FAM184B: variants seen among roughly 807,000 people sequenced by gnomAD.
The protein encoded by FAM184B is protein FAM184B.
FAM184B carries 111 observed loss-of-function variants against 135.9 expected under a neutral mutation model. That is an observed-to-expected ratio of 0.82 (90% CI 0.70 to 0.96). The LOEUF is 0.96. FAM184B is among the 40% of genes least tolerant of loss of function. The pLI is 0.00. For synonymous variants in FAM184B, 552 were observed against 524.8 expected (o/e 1.05, Z -0.71); for missense variants, 1,375 against 1,323.9 (o/e 1.04, Z -0.60).
intron 1 of FAM184B, among the ~76,000 whole-genome samples, chr4:17,739,555 G>GTTTTTTTTTGTTT (rs1553841417): frequency 1.6e-5 from 1 of 62,508 alleles, no homozygotes; most frequent in East Asian, 5.9e-4. Context: ...CATACCAACT[G>GTTTTTTTTTGTTT]TTTTTTTTTT....
chr4:17,685,884 G>T (rs1258562479), intron 7 of FAM184B, among the ~76,000 whole-genome samples: 5 of 152,102 alleles, frequency 3.3e-5, no homozygotes, highest in African/African-American at 9.7e-5. Flanking sequence ...TGGACATCGT[G>T]ACCATGACTG....
intron 1 of FAM184B, among the ~76,000 whole-genome samples, chr4:17,770,348 C>T (rs1047252447): frequency 7.9e-5 from 12 of 152,164 alleles, no homozygotes; most frequent in Non-Finnish European, 1.6e-4. Context: ...AAGGTGGCTC[C>T]GACTATGGTG....
intron 3 of FAM184B, among the ~76,000 whole-genome samples, chr4:17,706,792 A>AT (rs138248508): frequency 2.9e-4 from 43 of 150,192 alleles, no homozygotes; most frequent in Middle Eastern, 3.4e-3. Context: ...ATTTAATTTA[A>AT]TTTTTTTTTT....
At chr4:17,636,421 G>C in intron 15 of FAM184B, 107 bp downstream of exon 15, 1 of 856,814 alleles carries the variant, frequency 1.2e-6, no homozygotes, top group Non-Finnish European at 1.9e-6. Context: ...TTCTTTGTAA[G>C]ATATTAGGGC....
At chr4:17,744,454 C>CTG (rs1329028856) in intron 1 of FAM184B, among the ~76,000 whole-genome samples, 1 of 135,962 alleles carries the variant, frequency 7.4e-6, no homozygotes, top group East Asian at 2.6e-4. Context: ...CTCATTCTCT[C>CTG]TCTCTCTCAC....
At chr4:17,748,520 T>A (rs1718226273) in intron 1 of FAM184B, among the ~76,000 whole-genome samples, 1 of 147,104 alleles carries the variant, frequency 6.8e-6, no homozygotes, top group Non-Finnish European at 1.5e-5. Flanking sequence ...TTTTTTTTTT[T>A]TTTTTTTTTT....
At chr4:17,634,183 T>TG (rs1231831684) in intron 16 of FAM184B, 1 of 257,948 alleles carries the variant, frequency 3.9e-6, no homozygotes, top group African/African-American at 2.2e-5. Flanking sequence ...CAGCAGGGGA[T>TG]GGGCCCACCC....
intron 1 of FAM184B, among the ~76,000 whole-genome samples, chr4:17,715,255 G>T (rs1409138630): frequency 6.6e-6 from 1 of 152,022 alleles, no homozygotes; most frequent in Non-Finnish European, 1.5e-5. Context: ...TGGGCAGATT[G>T]TTTGAGGTCA....
chr4:17,634,685 T>TG (rs1336003468), intron 16 of FAM184B, among the ~76,000 whole-genome samples: 1 of 152,220 alleles, frequency 6.6e-6, no homozygotes, highest in Non-Finnish European at 1.5e-5. Flanking sequence ...AATGTGAATA[T>TG]GCTCATTGTG....
At chr4:17,682,143 G>C (rs1362054442) in intron 7 of FAM184B, among the ~76,000 whole-genome samples, 1 of 152,170 alleles carries the variant, frequency 6.6e-6, no homozygotes, top group Non-Finnish European at 1.5e-5. Flanking sequence ...TGGAGAGGGC[G>C]TGGGCAGGTG....
Position 17,664,582 on chromosome 4 carries a change from G to C in FAM184B, c.1674C>G (p.Thr558=), listed in dbSNP as rs184707240. 4 of 1,551,386 alleles carry C rather than the reference G, an allele frequency of 2.6e-6. No individual in the cohort carries two copies. The East Asian group carries it at 7.3e-5, about 28-fold the overall frequency. The change falls in exon 8 of 18, where the codon ACC becomes ACG. Residue 558 remains threonine (T), a synonymous_variant. Coordinates refer to ENST00000265018, the MANE Select transcript of FAM184B (RefSeq NM_015688.2). ...YQDKLAAEEG[T]SSDEEERTKV... ...TGTACCTTTCTTCTTCATCACTGCT[G>C]GTTCCTTCTTCAGCTGCTAACTTAT...
At chr4:17,664,960 G>A (rs1010024418) in intron 7 of FAM184B, among the ~76,000 whole-genome samples, 1 of 152,170 alleles carries the variant, frequency 6.6e-6, no homozygotes, top group Non-Finnish European at 1.5e-5. Context: ...ACCTGGCTAG[G>A]GTGCCACCAT....
chr4:17,765,531 C>CTTAG (rs111313348), intron 1 of FAM184B, among the ~76,000 whole-genome samples: 7,910 of 150,034 alleles, frequency 0.053, 646 homozygotes, highest in African/African-American at 0.19. Flanking sequence ...TTTCACAGTT[C>CTTAG]TTAGCAGCAT....
chr4:17,689,630 C>T (rs1395520270), intron 6 of FAM184B, among the ~76,000 whole-genome samples: 1 of 151,986 alleles, frequency 6.6e-6, no homozygotes, highest in Non-Finnish European at 1.5e-5. Context: ...GGAATCTAAG[C>T]CTTTTTTAAA....
At chr4:17,767,457 A>C (rs1328005617) in intron 1 of FAM184B, among the ~76,000 whole-genome samples, 1 of 152,268 alleles carries the variant, frequency 6.6e-6, no homozygotes, top group African/African-American at 2.4e-5. Context: ...CTAAAGGAAG[A>C]AAACCTGGTA....
intron 11 of FAM184B, among the ~76,000 whole-genome samples, chr4:17,650,732 A>G (rs1308833554): frequency 1.3e-5 from 2 of 152,126 alleles, no homozygotes; most frequent in Non-Finnish European, 2.9e-5. Flanking sequence ...GCTAACTGGG[A>G]AGTCTACGAA....
chr4:17,664,752 G>C, intron 7 of FAM184B, 93 bp from the exon 8 acceptor site: 3 of 1,062,962 alleles, frequency 2.8e-6, no homozygotes, highest in Non-Finnish European at 1.3e-6. Context: ...TCAAATCAGA[G>C]AGCAGAGAAG....
In FAM184B at chr4:17,633,708, C is replaced by T; in HGVS notation, c.3070G>A (p.Asp1024Asn). The T allele has an allele frequency of 6.5e-7, 1 of 1,545,090 alleles. No homozygotes were observed. Among genetic ancestry groups the T allele is most frequent in the Non-Finnish European group, 8.7e-7 (1 of 1,143,992 alleles). Residue 1024 changes from aspartate to asparagine, a missense_variant, in exon 17 of 18, where the codon GAT becomes AAT. Transcript: ENST00000265018. Reference sequence around the variant, plus strand: ...CCAAACCTTGTGGCAGTTTTTGCATCTGTAGACTGGTTGGGTTTGTAGGTC... The same window carrying T: ...CCAAACCTTGTGGCAGTTTTTGCATTTGTAGACTGGTTGGGTTTGTAGGTC... ...GRTYKPNQSTDAKTATRTPDG... is the reference protein window; with the variant it reads ...GRTYKPNQSTNAKTATRTPDG...
rs1560181778 is a variant in FAM184B at position 17,707,687 on chromosome 4, CTG to C, written c.990_991del (p.Asp330GlufsTer19). ...CCCACGACACTCCTGCAGCATCATTCTGTCTTTGGCAACAGCCAGCTTCTCCC... is the reference window on the plus strand; with the variant it reads ...CCCACGACACTCCTGCAGCATCATTCTCTTTGGCAACAGCCAGCTTCTCCC... On this transcript the variant is annotated frameshift_variant, in exon 3 of 18. Transcript: ENST00000265018. LOFTEE classifies it high-confidence loss of function. 6.4e-7 allele frequency: 1 copy of C among 1,551,834 alleles called. No individual in the cohort carries two copies. Among genetic ancestry groups the C allele is most frequent in the South Asian group, 1.2e-5 (1 of 84,070 alleles).
Sources: gnomAD v4.1 joint callset for allele counts (sites outside exome capture counted in the v4.1 genomes callset) on GRCh38, gnomAD v4.1.1 for gene constraint, MANE v1.5 for transcripts, NCBI Gene and HGNC (gene_info 2026-07-23, HGNC 2026-07-21) for gene names.